ZFAT: variants seen among roughly 807,000 people sequenced by gnomAD.
The protein encoded by ZFAT is zinc finger and AT-hook domain containing, also known as zinc finger protein ZFAT.
A neutral mutation model predicts 117.7 loss-of-function variants in ZFAT; 64 were observed. The observed-to-expected ratio is 0.54, with a 90% CI of 0.44 to 0.67. ZFAT has a LOEUF of 0.67. ZFAT is among the 30% of genes least tolerant of loss of function. The pLI is 0.00. For synonymous variants in ZFAT, 679 were observed against 615.0 expected, an observed-to-expected ratio of 1.10 and a Z score of -1.54; for missense variants, 1,433 against 1,584.5, an observed-to-expected ratio of 0.90 and a Z score of 1.62.
At chr8:134,614,456 T>TCA (rs1300117851) in intron 3 of ZFAT, among the ~76,000 whole-genome samples, 4 of 152,178 alleles carry the variant, frequency 2.6e-5, no homozygotes, top group Non-Finnish European at 4.4e-5. Context: ...TCTGTACCCT[T>TCA]CACCTTCTTA....
the ZFAT span, among the ~76,000 whole-genome samples, chr8:134,832,142 G>A: frequency 7.0e-6 from 1 of 142,864 alleles, no homozygotes; most frequent in African/African-American, 2.5e-5. Flanking sequence ...CGCGCGAGGG[G>A]CGGGGGGCAG....
intron 1 of ZFAT, among the ~76,000 whole-genome samples, chr8:134,698,329 A>AAG (rs1563773250): frequency 2.6e-5 from 4 of 151,626 alleles, no homozygotes; most frequent in Admixed American, 2.0e-4. Context: ...ATCTCAAAAA[A>AAG]AAAAAAAAAG....
the ZFAT span, among the ~76,000 whole-genome samples, chr8:134,718,366 C>A: frequency 2.0e-5 from 3 of 152,126 alleles, no homozygotes; most frequent in East Asian, 5.8e-4. Context: ...GGTGTGGTAG[C>A]ATGCACCTGT....
intron 13 of ZFAT, among the ~76,000 whole-genome samples, chr8:134,518,588 ATCTCTTG>A: frequency 6.6e-6 from 1 of 152,028 alleles, no homozygotes; most frequent in East Asian, 1.9e-4. Flanking sequence ...AACCTTTCTT[ATCTCTTG>A]TCCATTTTTC....
At chr8:134,750,203 A>G in the ZFAT span, among the ~76,000 whole-genome samples, 1 of 152,072 alleles carries the variant, frequency 6.6e-6, no homozygotes, top group Admixed American at 6.5e-5. Flanking sequence ...GCATCTTTTC[A>G]TAGATCTATT....
chr8:134,829,797 C>G, the ZFAT span, among the ~76,000 whole-genome samples: 606 of 152,240 alleles, frequency 4.0e-3, 5 homozygotes, highest in African/African-American at 0.014. Flanking sequence ...GCCCCTCAAG[C>G]AAGCTCTAAA....
chr8:134,541,329 G>A (rs1471636149), intron 11 of ZFAT, among the ~76,000 whole-genome samples: 3 of 152,060 alleles, frequency 2.0e-5, no homozygotes, highest in Admixed American at 1.3e-4. Flanking sequence ...TTATTAAGAC[G>A]AGGAAGGGGA....
the ZFAT span, among the ~76,000 whole-genome samples, chr8:134,778,010 T>C: frequency 6.6e-6 from 1 of 152,170 alleles, no homozygotes; most frequent in African/African-American, 2.4e-5. Context: ...GACAAACAAG[T>C]ATCACTGGCC....
At chr8:134,717,466 CTTTTTTTTTTTTTTTTT>C (rs746460924), upstream of ZFAT, among the ~76,000 whole-genome samples, 247 of 19,364 alleles carry the variant, frequency 0.013, 8 homozygotes, top group African/African-American at 0.024. Context: ...AATAACAACT[CTTTTTTTTTTTTTTTTT>C]TTTTTTTTTT....
chr8:134,573,787 G>C (rs1018360188), intron 10 of ZFAT, among the ~76,000 whole-genome samples: 16 of 152,206 alleles, frequency 1.1e-4, no homozygotes, highest in Non-Finnish European at 2.9e-5. Flanking sequence ...CATGAGTGCT[G>C]GGACTGCATG....
At chr8:134,604,783 T>C (rs1000254916) in intron 5 of ZFAT, among the ~76,000 whole-genome samples, 8 of 152,208 alleles carry the variant, frequency 5.3e-5, no homozygotes, top group African/African-American at 1.9e-4. Context: ...GTAATTACAA[T>C]ATTTAAATTT....
chr8:134,704,575 A>C (rs1834098220), intron 1 of ZFAT, among the ~76,000 whole-genome samples: 1 of 152,194 alleles, frequency 6.6e-6, no homozygotes, highest in Admixed American at 6.5e-5. Flanking sequence ...TGTCCCTCCA[A>C]AAAGTGTTCT....
At chr8:134,578,238 C>T (rs1338288430) in intron 10 of ZFAT, among the ~76,000 whole-genome samples, 1 of 151,886 alleles carries the variant, frequency 6.6e-6, no homozygotes, top group African/African-American at 2.4e-5. Context: ...CATGGTGAAA[C>T]CCCATCTCTA....
chr8:134,811,337 G>T, the ZFAT span, among the ~76,000 whole-genome samples: 1 of 152,256 alleles, frequency 6.6e-6, no homozygotes, highest in Non-Finnish European at 1.5e-5. Context: ...CTCTGATGCA[G>T]GGAACTCAAA....
intron 2 of ZFAT, among the ~76,000 whole-genome samples, chr8:134,652,335 G>A (rs1406658410): frequency 6.6e-6 from 1 of 152,114 alleles, no homozygotes; most frequent in Non-Finnish European, 1.5e-5. Context: ...AGTTCATGAT[G>A]AGCAGCTCCA....
chr8:134,610,891 T>C (rs571213445), intron 3 of ZFAT, among the ~76,000 whole-genome samples: 18 of 152,206 alleles, frequency 1.2e-4, no homozygotes, highest in Non-Finnish European at 5.9e-5. Flanking sequence ...GCGTACACTG[T>C]TGGGTGAAGC....
chr8:134,712,082 T>A (rs928459576), intron 1 of ZFAT, among the ~76,000 whole-genome samples: 6 of 152,198 alleles, frequency 3.9e-5, no homozygotes, highest in African/African-American at 1.2e-4. Context: ...AACACTTACA[T>A]GAGCCAAGCC....
intron 12 of ZFAT, among the ~76,000 whole-genome samples, chr8:134,528,785 G>A (rs1487906632): frequency 6.6e-6 from 1 of 152,194 alleles, no homozygotes; most frequent in Non-Finnish European, 1.5e-5. Flanking sequence ...TTAGAATACA[G>A]AGCTTTGGCG....
chr8:134,806,535 T>C, the ZFAT span, among the ~76,000 whole-genome samples: 1 of 152,238 alleles, frequency 6.6e-6, no homozygotes, highest in Non-Finnish European at 1.5e-5. Flanking sequence ...CACATGATAC[T>C]TGACTAATGA....
Sources: gnomAD v4.1 joint callset for allele counts (sites outside exome capture counted in the v4.1 genomes callset) on GRCh38, gnomAD v4.1.1 for gene constraint, MANE v1.5 for transcripts, NCBI Gene and HGNC (gene_info 2026-07-23, HGNC 2026-07-21) for gene names.